EPM2A: variants seen among roughly 807,000 people sequenced by gnomAD.
EPM2A encodes the protein laforin.
In EPM2A, 21 loss-of-function variants were observed where a neutral mutation model predicts 26.5. The observed-to-expected ratio is 0.79, with a 90% confidence interval of 0.56 to 1.14. The LOEUF (loss-of-function observed/expected upper bound fraction) is 1.14. Among genes scored for constraint, EPM2A ranks in the 50% most tolerant of loss-of-function variants. EPM2A has a pLI of 0.00. For missense variants in EPM2A, 458 were observed against 440.8 expected, an observed-to-expected ratio of 1.04 and a Z score of -0.35; for synonymous variants, 217 against 177.6, an observed-to-expected ratio of 1.22 and a Z score of -1.76.
chr6:145,543,434 A>T (rs1178310809), intron 2 of EPM2A, among the ~76,000 whole-genome samples: 1 of 152,130 alleles, frequency 6.6e-6, no homozygotes. Context: ...GTCACCCAAA[A>T]AACCTTCTCA....
intron 4 of EPM2A, among the ~76,000 whole-genome samples, chr6:145,394,053 G>A (rs1036903438): frequency 2.6e-5 from 4 of 151,986 alleles, no homozygotes; most frequent in Non-Finnish European, 4.4e-5. Flanking sequence ...TCGATCTCCT[G>A]ACCTTGTGAA....
intron 2 of EPM2A, among the ~76,000 whole-genome samples, chr6:145,568,518 T>C (rs1263934728): frequency 6.6e-6 from 1 of 152,070 alleles, no homozygotes; most frequent in Non-Finnish European, 1.5e-5. Flanking sequence ...AAACGCGGTT[T>C]CTCCAGGTTG....
rs962338765 is a variant in EPM2A at position 145,735,198 on chromosome 6, C to T, written c.301G>A (p.Gly101Ser). Residue 101 changes from glycine (G) to serine (S), a missense_variant and splice_region_variant, in exon 1 of 4, where the codon GGC becomes AGC. Physicochemically the swap from Gly to Ser is moderately conservative, Grantham distance 56. Coordinates refer to ENST00000367519, the MANE Select transcript of EPM2A (RefSeq NM_005670.4). ...REPGGELSWE[G>S]NGPHHDRCCT... ...GGGGGCAGGCGTCTGCTGGCAATAC[C>T]TTCCCAGGAGAGCTCTCCTCCCGGC... 2 of 1,510,850 alleles carry T rather than the reference C, an allele frequency of 1.3e-6. No homozygotes were observed. The highest frequency in any genetic ancestry group is 1.2e-5 in the South Asian group (1 of 81,238). The allele number at this position is 1,510,850 out of a possible 1,614,324, so 93.6% of individuals were successfully genotyped here. A position where few individuals can be genotyped will look rare whatever the true frequency, so the allele number is the denominator to read the frequency against.
Position 145,635,472 on chromosome 6 carries a change from A to T in EPM2A, c.491T>A (p.Ile164Asn). 3.1e-6 allele frequency: 5 copies of T among 1,614,042 alleles called. No homozygotes were observed. The highest frequency in any genetic ancestry group is 4.2e-6 in the Non-Finnish European group (5 of 1,179,884). ...CTGACGAGGGCAGCTACCCAGCCAGATATTTGGTAGAATTCTAATGAGAAC... is the reference window on the plus strand; with the variant it reads ...CTGACGAGGGCAGCTACCCAGCCAGTTATTTGGTAGAATTCTAATGAGAAC... ...AMHYSRILPN[I>N]WLGSCPRQVE... Residue 164 changes from isoleucine to asparagine, a missense_variant, in exon 3 of 4, where the codon ATC becomes AAC. Transcript: ENST00000367519.
chr6:145,643,865 T>C (rs947184608), intron 2 of EPM2A, among the ~76,000 whole-genome samples: 1 of 151,924 alleles, frequency 6.6e-6, no homozygotes, highest in African/African-American at 2.4e-5. Flanking sequence ...TAGTTTTGGA[T>C]AGGTGTATGA....
intron 2 of EPM2A, among the ~76,000 whole-genome samples, chr6:145,556,012 T>A (rs1372653018): frequency 6.6e-6 from 1 of 152,326 alleles, no homozygotes; most frequent in East Asian, 1.9e-4. Context: ...TAGCATTTTA[T>A]GCATACATAA....
At chr6:145,619,467 G>A (rs1183203554) in intron 2 of EPM2A, among the ~76,000 whole-genome samples, 1 of 152,224 alleles carries the variant, frequency 6.6e-6, no homozygotes, top group Non-Finnish European at 1.5e-5. Context: ...GATTTTGGAA[G>A]TGAGCTGATG....
At chr6:145,539,223 A>G (rs1223617612) in intron 2 of EPM2A, among the ~76,000 whole-genome samples, 3 of 152,254 alleles carry the variant, frequency 2.0e-5, no homozygotes, top group Admixed American at 6.5e-5. Context: ...CAACAGTGCC[A>G]TATTCCCCAC....
rs550138379 is a variant in EPM2A at position 145,663,388 on chromosome 6, GC to G, written c.476+22733del. On this transcript the variant is annotated intron_variant, in intron 2 of 3. Transcript: ENST00000367519. ...AGGGAGTGCCAGACAGTGGGCACAG[GC>G]CAGTGGGTGCACGCACCGTGCGTGA... Among the ~76,000 whole-genome samples the G allele has an allele frequency of 2.7e-4, 41 of 152,342 alleles. No homozygotes were observed. The East Asian group carries it at 7.7e-3, about 29-fold the overall frequency.
At chr6:145,405,065 C>A (rs1778548419) in intron 4 of EPM2A, among the ~76,000 whole-genome samples, 1 of 152,116 alleles carries the variant, frequency 6.6e-6, no homozygotes, top group African/African-American at 2.4e-5. Flanking sequence ...CCATTTAATG[C>A]AGCTCAGCTC....
At chr6:145,456,348 G>A (rs1779262279) in intron 4 of EPM2A, among the ~76,000 whole-genome samples, 1 of 152,192 alleles carries the variant, frequency 6.6e-6, no homozygotes, top group African/African-American at 2.4e-5. Context: ...TTTTTTGGAT[G>A]AATGAAAAGA....
chr6:145,506,909 G>A (rs1779983879), intron 2 of EPM2A, among the ~76,000 whole-genome samples: 1 of 152,154 alleles, frequency 6.6e-6, no homozygotes, highest in Non-Finnish European at 1.5e-5. Flanking sequence ...AGCAAATAGG[G>A]TCCAGGATGC....
chr6:145,576,394 T>C (rs1317319943), intron 2 of EPM2A, among the ~76,000 whole-genome samples: 1 of 152,130 alleles, frequency 6.6e-6, no homozygotes, highest in Non-Finnish European at 1.5e-5. Flanking sequence ...GAAATTTTCT[T>C]ATCAAGACAT....
At chr6:145,399,843 T>C (rs1022834582) in intron 4 of EPM2A, among the ~76,000 whole-genome samples, 7 of 152,202 alleles carry the variant, frequency 4.6e-5, no homozygotes, top group African/African-American at 1.7e-4. Context: ...CAATAATCTT[T>C]TTGGCTATCT....
chr6:145,520,207 T>A (rs541892956), intron 2 of EPM2A, among the ~76,000 whole-genome samples: 2 of 152,348 alleles, frequency 1.3e-5, no homozygotes, highest in East Asian at 3.9e-4. Context: ...AATTAAAATC[T>A]TAAAATATCA....
At chr6:145,530,527 G>A (rs761381864) in intron 2 of EPM2A, among the ~76,000 whole-genome samples, 1 of 151,804 alleles carries the variant, frequency 6.6e-6, no homozygotes, top group Non-Finnish European at 1.5e-5. Flanking sequence ...TTTCTACTCT[G>A]CTTTCAACTT....
chr6:145,720,762 T>C (rs1373998401), intron 1 of EPM2A: 1 of 152,206 alleles, frequency 6.6e-6, no homozygotes, highest in Non-Finnish European at 1.5e-5. Flanking sequence ...AATCTACAAA[T>C]ATAATGTTGA....
intron 2 of EPM2A, among the ~76,000 whole-genome samples, chr6:145,530,641 G>A (rs1408387610): frequency 6.6e-6 from 1 of 152,016 alleles, no homozygotes; most frequent in East Asian, 1.9e-4. Flanking sequence ...ATTGTGAAGA[G>A]TAACTGAGAT....
chr6:145,661,276 T>C lies in EPM2A; in HGVS notation c.476+24846A>G, dbSNP rs115046701. Among the ~76,000 whole-genome samples the C allele has an allele frequency of 2.7e-3, 411 of 152,348 alleles. 5 individuals are homozygous for C. Among genetic ancestry groups the C allele is most frequent in the African/African-American group, 9.4e-3 (392 of 41,580 alleles). On this transcript the variant is annotated intron_variant, in intron 2 of 3. Coordinates refer to ENST00000367519, the MANE Select transcript of EPM2A (RefSeq NM_005670.4). ...TTTTAAACTTCTCATTACTCATCTT[T>C]GAAGTGTGAATTAACTGGTGCATTA...
Sources: gnomAD v4.1 joint callset for allele counts (sites outside exome capture counted in the v4.1 genomes callset) on GRCh38, gnomAD v4.1.1 for gene constraint, MANE v1.5 for transcripts, NCBI Gene and HGNC (gene_info 2026-07-23, HGNC 2026-07-21) for gene names.